Variants in DPYD observed in about 807,000 individuals in gnomAD.
DPYD encodes dihydropyrimidine dehydrogenase, also known as dihydropyrimidine dehydrogenase [NADP(+)].
A neutral mutation model predicts 116.2 loss-of-function variants in DPYD; 109 were observed. The ratio of observed to expected loss-of-function variants is 0.94; its 90% confidence interval spans 0.80 to 1.10. The LOEUF is 1.10. Ranked by LOEUF, DPYD falls within the 50% of genes least tolerant of loss-of-function variation. The pLI is 0.00. For missense variants in DPYD, 1,302 were observed against 1,254.5 expected, an observed-to-expected ratio of 1.04 and a Z score of -0.57; for synonymous variants, 440 against 432.0, an observed-to-expected ratio of 1.02 and a Z score of -0.23.
intron 15 of DPYD, among the ~76,000 whole-genome samples, chr1:97,380,092 T>G (rs1220150810): frequency 2.6e-5 from 4 of 152,202 alleles, no homozygotes; most frequent in Non-Finnish European, 5.9e-5. Context: ...TTTTCAAGGC[T>G]GATTACAAAT....
chr1:97,561,524 T>TA (rs1652141301), intron 11 of DPYD, among the ~76,000 whole-genome samples: 1 of 152,154 alleles, frequency 6.6e-6, no homozygotes, highest in Non-Finnish European at 1.5e-5. Flanking sequence ...TCAGAATATG[T>TA]AAGATATACA....
chr1:97,502,695 G>A (rs1261223412), intron 13 of DPYD, among the ~76,000 whole-genome samples: 1 of 151,924 alleles, frequency 6.6e-6, no homozygotes, highest in Non-Finnish European at 1.5e-5. Context: ...GATGTGGGTG[G>A]TACCAGTGGA....
chr1:97,273,049 G>T (rs1401890991), intron 18 of DPYD, among the ~76,000 whole-genome samples: 2 of 152,066 alleles, frequency 1.3e-5, no homozygotes, highest in East Asian at 1.9e-4. Flanking sequence ...CATTTTACGG[G>T]TGTTACTATA....
intron 13 of DPYD, among the ~76,000 whole-genome samples, chr1:97,490,877 C>A (rs1678934070): frequency 6.7e-6 from 1 of 149,910 alleles, no homozygotes; most frequent in South Asian, 2.1e-4. Flanking sequence ...ATGGCTACAC[C>A]TTTCACTAAA....
intron 13 of DPYD, among the ~76,000 whole-genome samples, chr1:97,467,616 C>A (rs1038502162): frequency 6.6e-6 from 1 of 152,132 alleles, no homozygotes; most frequent in Non-Finnish European, 1.5e-5. Context: ...CACTCTCTCT[C>A]GCTGCTATCA....
In DPYD at chr1:97,285,765, C is replaced by A. The variant is rs372801307; in HGVS notation, c.2299+19494G>T. On this transcript the variant is annotated intron_variant, in intron 18 of 22. Coordinates refer to ENST00000370192, the MANE Select transcript of DPYD (RefSeq NM_000110.4). ...GTGGCATAATCTCAGCTCACCACAA[C>A]CTTTGCCTCCTAGGCTCAGGCAATT... 3.7e-4 allele frequency among the ~76,000 whole-genome samples: 55 copies of A among 150,606 alleles called. 1 individual carries two copies. In the East Asian group the frequency reaches 9.0e-3, roughly 25 times the overall value.
At chr1:97,481,603 G>C (rs557845585) in intron 13 of DPYD, among the ~76,000 whole-genome samples, 2 of 152,208 alleles carry the variant, frequency 1.3e-5, no homozygotes, top group South Asian at 4.1e-4. Context: ...TATTGAAAAA[G>C]TGAGTTAATA....
At chr1:97,513,351 T>C (rs1271847197) in intron 13 of DPYD, among the ~76,000 whole-genome samples, 1 of 151,746 alleles carries the variant, frequency 6.6e-6, no homozygotes, top group Non-Finnish European at 1.5e-5. Flanking sequence ...GACAGGATAA[T>C]AAAATTTCTA....
chr1:97,853,922 C>T (rs1368425035), intron 2 of DPYD, among the ~76,000 whole-genome samples: 2 of 151,782 alleles, frequency 1.3e-5, no homozygotes, highest in African/African-American at 4.8e-5. Flanking sequence ...TACTTATGGC[C>T]AAAAAAGAAT....
intron 13 of DPYD, among the ~76,000 whole-genome samples, chr1:97,497,078 G>A (rs1022112834): frequency 4.6e-5 from 7 of 151,800 alleles, no homozygotes; most frequent in Non-Finnish European, 8.8e-5. Flanking sequence ...CACAGTCTGT[G>A]CTATTATATC....
intron 13 of DPYD, among the ~76,000 whole-genome samples, chr1:97,457,809 G>C (rs548735534): frequency 6.6e-6 from 1 of 152,272 alleles, no homozygotes; most frequent in East Asian, 1.9e-4. Flanking sequence ...TTTTTCTGCA[G>C]GCTTTGAGAA....
At chr1:97,635,910 C>T (rs775100567) in intron 8 of DPYD, among the ~76,000 whole-genome samples, 6 of 152,078 alleles carry the variant, frequency 3.9e-5, no homozygotes, top group Non-Finnish European at 7.4e-5. Flanking sequence ...GCCTTGAGTT[C>T]CTAGGCCCAA....
At chr1:97,156,247 C>T (rs1482389659) in intron 20 of DPYD, among the ~76,000 whole-genome samples, 1 of 152,074 alleles carries the variant, frequency 6.6e-6, no homozygotes, top group Non-Finnish European at 1.5e-5. Context: ...TTGATTTTCC[C>T]TTCTTTAGCC....
chr1:97,885,133 A>G (rs1571529066), intron 1 of DPYD, among the ~76,000 whole-genome samples: 2 of 152,004 alleles, frequency 1.3e-5, no homozygotes, highest in African/African-American at 4.8e-5. Flanking sequence ...TTTGAAGGGG[A>G]CCTGAGAATG....
chr1:97,579,889 C>A (rs1653522403), intron 10 of DPYD, among the ~76,000 whole-genome samples: 1 of 152,140 alleles, frequency 6.6e-6, no homozygotes, highest in Non-Finnish European at 1.5e-5. Context: ...AAAAAAAATT[C>A]TCAGCTTTGA....
intron 18 of DPYD, among the ~76,000 whole-genome samples, chr1:97,239,418 C>A (rs1449207350): frequency 6.6e-6 from 1 of 151,912 alleles, no homozygotes; most frequent in Non-Finnish European, 1.5e-5. Flanking sequence ...CTTACTCAGT[C>A]TTCATTTATC....
At chr1:97,577,618 T>G (rs990541594) in intron 10 of DPYD, among the ~76,000 whole-genome samples, 5 of 152,106 alleles carry the variant, frequency 3.3e-5, no homozygotes, top group African/African-American at 1.2e-4. Flanking sequence ...GAACTGTAAG[T>G]AATAAAATCT....
chr1:97,291,216 A>G (rs1258274992), intron 18 of DPYD, among the ~76,000 whole-genome samples: 18 of 152,078 alleles, frequency 1.2e-4, no homozygotes, highest in African/African-American at 4.1e-4. Context: ...TGGAGAAATA[A>G]GAACACTTTT....
At chr1:97,630,209 T>C (rs1288429441) in intron 8 of DPYD, among the ~76,000 whole-genome samples, 2 of 151,978 alleles carry the variant, frequency 1.3e-5, no homozygotes, top group Non-Finnish European at 2.9e-5. Context: ...TATATAAATA[T>C]AATACAAATG....
Sources: gnomAD v4.1 joint callset for allele counts (sites outside exome capture counted in the v4.1 genomes callset) on GRCh38, gnomAD v4.1.1 for gene constraint, MANE v1.5 for transcripts, NCBI Gene and HGNC (gene_info 2026-07-23, HGNC 2026-07-21) for gene names.